ADAM9: variants seen among roughly 807,000 people sequenced by gnomAD.
ADAM9 encodes the protein ADAM metallopeptidase domain 9.
ADAM9 carries 54 observed loss-of-function variants against 108.1 expected under a neutral mutation model. The ratio of observed to expected loss-of-function variants is 0.50; its 90% CI spans 0.40 to 0.63. The LOEUF (loss-of-function observed/expected upper bound fraction) is 0.63, where lower values mean the gene tolerates loss of function less well. Ranked by LOEUF, ADAM9 falls within the 20% of genes least tolerant of loss-of-function variation. The pLI is 0.00. For missense variants in ADAM9, 830 were observed against 997.7 expected, an observed-to-expected ratio of 0.83 and a Z score of 2.26; for synonymous variants, 316 against 336.0, an observed-to-expected ratio of 0.94 and a Z score of 0.65.
At chr8:39,099,856 AT>A (rs1349843140) in intron 20 of ADAM9, among the ~76,000 whole-genome samples, 1 of 135,012 alleles carries the variant, frequency 7.4e-6, no homozygotes, top group Non-Finnish European at 1.6e-5. Context: ...AATTGTGTAT[AT>A]TTTGGGGTAT....
At chr8:39,022,087 T>A (rs1160206443) in intron 8 of ADAM9, among the ~76,000 whole-genome samples, 1 of 150,972 alleles carries the variant, frequency 6.6e-6, no homozygotes. Flanking sequence ...TGTGTGTGTG[T>A]GTGTGTGTGT....
chr8:38,997,185 T>A, intron 1 of ADAM9, 25 bp downstream of exon 1: 2 of 1,589,256 alleles, frequency 1.3e-6, no homozygotes, highest in South Asian at 2.2e-5. Flanking sequence ...CCCGGGTCGG[T>A]TGGGACGGCT....
chr8:39,102,313 G>A (rs1047985814), intron 21 of ADAM9, among the ~76,000 whole-genome samples: 2 of 152,178 alleles, frequency 1.3e-5, no homozygotes, highest in Admixed American at 1.3e-4. Context: ...GAAGACTAAA[G>A]AAGTGAGGAA....
chr8:39,025,929 A>G, intron 10 of ADAM9, 45 bp downstream of exon 10: 2 of 1,558,438 alleles, frequency 1.3e-6, no homozygotes, highest in South Asian at 1.1e-5. Context: ...GCACTGGGAC[A>G]ATATCAAGCA....
In ADAM9 at chr8:39,045,135, CAT is replaced by C. The variant is rs1286842044; in HGVS notation, c.1302+3023_1302+3024del. 6.6e-4 allele frequency among the ~76,000 whole-genome samples: 45 copies of C among 67,986 alleles called. 2 individuals carry two copies. The highest frequency in any genetic ancestry group is 1.3e-3 in the South Asian group (3 of 2,282). 44.6% of individuals were successfully genotyped at this position (67,986 alleles called of 152,430 possible). ...ATACATATGTGTGTGTGCATACATA[CAT>C]ATATGTGTATATATGTGTATACATA... On this transcript the variant is annotated intron_variant, in intron 12 of 21. Transcript: ENST00000487273.
At chr8:39,020,546 C>T (rs1447915575) in intron 7 of ADAM9, among the ~76,000 whole-genome samples, 1 of 152,132 alleles carries the variant, frequency 6.6e-6, no homozygotes, top group East Asian at 1.9e-4. Flanking sequence ...TAAAAATAGA[C>T]ATTTCAGTTT....
At position 39,008,000 on chromosome 8, in the gene ADAM9, G is replaced by A. The variant is rs1158454394; in HGVS notation, c.195+17G>A. The stretch of plus-strand genomic sequence containing the variant: ...TCAAAACAAGTAAGTTATAATTGTT[G>A]AGAAATAATATGTGGTTAATTTTTT... On this transcript the variant is annotated intron_variant, in intron 2 of 21. Transcript: ENST00000487273. The A allele has an allele frequency of 6.5e-7, 1 of 1,535,960 alleles. No homozygotes were observed. Among genetic ancestry groups the A allele is most frequent in the Non-Finnish European group, 9.0e-7 (1 of 1,112,200 alleles).
chr8:39,014,210 T>C, intron 4 of ADAM9, 167 bp downstream of exon 4: 3 of 643,614 alleles, frequency 4.7e-6, no homozygotes, highest in Non-Finnish European at 8.2e-6. Context: ...TTCTATAGAC[T>C]AAGCTGTACC....
At chr8:39,035,932 C>T (rs1276788421) in intron 11 of ADAM9, among the ~76,000 whole-genome samples, 1 of 152,144 alleles carries the variant, frequency 6.6e-6, no homozygotes, top group Non-Finnish European at 1.5e-5. Flanking sequence ...CTTTTTACTA[C>T]CAAGCTGATA....
At chr8:39,060,610 G>A (rs1762703038) in intron 14 of ADAM9, among the ~76,000 whole-genome samples, 1 of 152,174 alleles carries the variant, frequency 6.6e-6, no homozygotes, top group South Asian at 2.1e-4. Flanking sequence ...TTTCACTGAG[G>A]TAGAAGGCAC....
At chr8:39,060,508 A>G (rs1838265615) in intron 14 of ADAM9, among the ~76,000 whole-genome samples, 1 of 152,206 alleles carries the variant, frequency 6.6e-6, no homozygotes, top group African/African-American at 2.4e-5. Context: ...ACATTGTGCC[A>G]TTCTGTTGGT....
At chr8:39,012,780 A>G (rs1205779137) in intron 3 of ADAM9, among the ~76,000 whole-genome samples, 2 of 152,104 alleles carry the variant, frequency 1.3e-5, no homozygotes, top group African/African-American at 4.8e-5. Flanking sequence ...GGAACATCAC[A>G]CACCAGGGCC....
chr8:39,044,941 CCTATGTATGTGT>C (rs1837579360), intron 12 of ADAM9, among the ~76,000 whole-genome samples: 2 of 148,354 alleles, frequency 1.3e-5, no homozygotes, highest in African/African-American at 2.5e-5. Flanking sequence ...TGCACACATA[CCTATGTATGTGT>C]ATATGTGTGT....
At chr8:39,096,877 T>C (rs2129443485) in intron 20 of ADAM9, among the ~76,000 whole-genome samples, 1 of 152,340 alleles carries the variant, frequency 6.6e-6, no homozygotes, top group East Asian at 1.9e-4. Context: ...ATTCTCATTT[T>C]GTTCATACAT....
Position 39,023,244 on chromosome 8 carries a change from G to C in ADAM9, c.833G>C (p.Gly278Ala). The change falls in exon 9 of 22, where the codon GGT (glycine) becomes GCT (alanine). Residue 278 changes from glycine to alanine, a missense_variant. This residue lies in a region of ADAM9 where 381 missense variants were observed against 539.8 expected (regional missense o/e 0.71). Coordinates refer to ENST00000487273, the MANE Select transcript of ADAM9 (RefSeq NM_003816.3). ...GNLINIVGGA[G>A]DVLGNFVQWR... The stretch of plus-strand genomic sequence containing the variant: ...CTGATCAACATAGTTGGGGGTGCTG[G>C]TGATGTGCTGGGGAACTTCGTGCAG... 1 of 1,613,780 alleles carries C rather than the reference G, an allele frequency of 6.2e-7. No homozygotes were observed. The highest frequency in any genetic ancestry group is 8.5e-7 in the Non-Finnish European group (1 of 1,179,890).
At chr8:39,080,049 A>G (rs562785009) in intron 16 of ADAM9, among the ~76,000 whole-genome samples, 2 of 151,796 alleles carry the variant, frequency 1.3e-5, no homozygotes, top group Admixed American at 6.6e-5. Flanking sequence ...GCTGTTAAAT[A>G]TTTTCTTGAT....
chr8:39,018,595 A>G (rs1305372506), intron 6 of ADAM9: 1 of 499,436 alleles, frequency 2.0e-6, no homozygotes, highest in Non-Finnish European at 3.6e-6. Flanking sequence ...ATAGCAGATA[A>G]CACTTCAAAA....
chr8:39,053,458 A>G (rs1384840011), intron 12 of ADAM9, among the ~76,000 whole-genome samples: 1 of 152,198 alleles, frequency 6.6e-6, no homozygotes, highest in African/African-American at 2.4e-5. Context: ...ATTTAGTTCC[A>G]TGATGCATTT....
intron 12 of ADAM9, among the ~76,000 whole-genome samples, chr8:39,045,122 G>GCATACATACATATATGTGTATATA (rs1837625164): frequency 1.5e-5 from 1 of 67,898 alleles, no homozygotes; most frequent in African/African-American, 7.7e-5. Flanking sequence ...ACATATGTGT[G>GCATACATACATATATGTGTATATA]TGTGCATACA....
Sources: allele counts gnomAD v4.1 joint callset (sites outside exome capture counted in the v4.1 genomes callset), GRCh38; gene constraint gnomAD v4.1.1; regional missense constraint gnomAD v4.1.1; transcripts MANE v1.5; gene names NCBI Gene and HGNC (gene_info 2026-07-23, HGNC 2026-07-21).